Variants in LUZP2 observed in about 807,000 individuals in gnomAD.
The protein encoded by LUZP2 is leucine zipper protein 2.
A neutral mutation model predicts 51.6 loss-of-function variants in LUZP2; 52 were observed. That is an observed-to-expected ratio of 1.01 (90% CI 0.81 to 1.27). LUZP2 has a LOEUF of 1.27. LUZP2 is among the 50% of genes most tolerant of loss of function. The pLI, the probability that LUZP2 is intolerant of heterozygous loss-of-function variation, is 0.00. For synonymous variants in LUZP2, 154 were observed against 137.3 expected, an observed-to-expected ratio of 1.12 and a Z score of -0.85; for missense variants, 436 against 395.4, an observed-to-expected ratio of 1.10 and a Z score of -0.87.
intron 7 of LUZP2, among the ~76,000 whole-genome samples, chr11:24,975,747 A>G (rs1208126227): frequency 6.6e-6 from 1 of 152,178 alleles, no homozygotes; most frequent in African/African-American, 2.4e-5. Flanking sequence ...ATTTGAATAT[A>G]TGAATTCCAA....
At chr11:25,050,978 C>A (rs12293034) in intron 10 of LUZP2, among the ~76,000 whole-genome samples, 1 of 152,128 alleles carries the variant, frequency 6.6e-6, no homozygotes, top group Non-Finnish European at 1.5e-5. Flanking sequence ...GCTAATGGAT[C>A]TATTACATTT....
At chr11:24,501,110 C>T (rs1849979776) in intron 1 of LUZP2, among the ~76,000 whole-genome samples, 1 of 152,176 alleles carries the variant, frequency 6.6e-6, no homozygotes, top group African/African-American at 2.4e-5. Context: ...GTCTGCCACA[C>T]ATGACATTTT....
chr11:24,535,433 T>A (rs1851147419), intron 1 of LUZP2, among the ~76,000 whole-genome samples: 1 of 151,584 alleles, frequency 6.6e-6, no homozygotes, highest in African/African-American at 2.4e-5. Context: ...CCCTGCCACT[T>A]CTTTATCAAC....
intron 5 of LUZP2, among the ~76,000 whole-genome samples, chr11:24,871,905 T>C (rs1249193454): frequency 6.6e-6 from 1 of 152,122 alleles, no homozygotes; most frequent in Non-Finnish European, 1.5e-5. Flanking sequence ...TAGTATACAG[T>C]GATGTCTGCA....
intron 6 of LUZP2, among the ~76,000 whole-genome samples, chr11:24,914,161 G>A (rs558728755): frequency 2.2e-4 from 33 of 152,124 alleles, no homozygotes; most frequent in Admixed American, 1.2e-3. Flanking sequence ...TATAATTAGC[G>A]TCTAAAATTA....
At chr11:24,571,107 G>A (rs1346464693) in intron 1 of LUZP2, among the ~76,000 whole-genome samples, 2 of 152,090 alleles carry the variant, frequency 1.3e-5, no homozygotes, top group African/African-American at 4.8e-5. Context: ...CTGAAGATCA[G>A]ATGGGTTGCC....
At chr11:24,704,186 T>C (rs1413772729) in intron 1 of LUZP2, among the ~76,000 whole-genome samples, 1 of 152,194 alleles carries the variant, frequency 6.6e-6, no homozygotes, top group Non-Finnish European at 1.5e-5. Flanking sequence ...TGCTTTAGCG[T>C]CTTTGGAGGG....
chr11:24,986,534 C>CCA (rs1489869101), intron 9 of LUZP2, among the ~76,000 whole-genome samples: 2 of 67,100 alleles, frequency 3.0e-5, no homozygotes, highest in Non-Finnish European at 7.0e-5. Context: ...GAATAGCATG[C>CCA]CTCTGTGTGT....
intron 7 of LUZP2, among the ~76,000 whole-genome samples, chr11:24,941,428 G>C (rs1854743317): frequency 6.6e-6 from 1 of 152,148 alleles, no homozygotes. Context: ...TAGTCTGCAA[G>C]TTAGAGTTTA....
At chr11:24,587,610 T>C (rs1369923220) in intron 1 of LUZP2, among the ~76,000 whole-genome samples, 1 of 152,120 alleles carries the variant, frequency 6.6e-6, no homozygotes, top group Admixed American at 6.6e-5. Flanking sequence ...TGAAGGTTAC[T>C]GGAAATTTTT....
chr11:25,073,486 G>GT (rs1859214541), intron 10 of LUZP2, among the ~76,000 whole-genome samples: 1 of 152,148 alleles, frequency 6.6e-6, no homozygotes, highest in Non-Finnish European at 1.5e-5. Flanking sequence ...GACATTCCCT[G>GT]GGTCTGGGCT....
intron 1 of LUZP2, among the ~76,000 whole-genome samples, chr11:24,561,759 C>CATGT (rs1303600006): frequency 6.6e-6 from 1 of 151,706 alleles, no homozygotes; most frequent in East Asian, 1.9e-4. Flanking sequence ...CACCATGGCA[C>CATGT]ATGTATACCT....
intron 5 of LUZP2, among the ~76,000 whole-genome samples, chr11:24,901,871 C>A (rs1323013935): frequency 2.6e-5 from 4 of 152,104 alleles, no homozygotes; most frequent in Non-Finnish European, 5.9e-5. Context: ...CATCTCTCTC[C>A]CTTATTTCAA....
intron 1 of LUZP2, among the ~76,000 whole-genome samples, chr11:24,614,659 A>G (rs1485856777): frequency 6.6e-6 from 1 of 151,838 alleles, no homozygotes; most frequent in Non-Finnish European, 1.5e-5. Flanking sequence ...TTTGTACTGC[A>G]TTTTCCCTCT....
At chr11:24,878,042 T>G (rs1252721130) in intron 5 of LUZP2, among the ~76,000 whole-genome samples, 6 of 152,024 alleles carry the variant, frequency 3.9e-5, no homozygotes, top group Admixed American at 3.9e-4. Flanking sequence ...TATCTTTTAG[T>G]CTTCCTACTT....
At chr11:25,067,234 T>C (rs1025235756) in intron 10 of LUZP2, among the ~76,000 whole-genome samples, 1 of 152,060 alleles carries the variant, frequency 6.6e-6, no homozygotes, top group African/African-American at 2.4e-5. Flanking sequence ...TGAAGTTGTT[T>C]TTTTCTGTAA....
At chr11:24,564,424 A>C (rs914104399) in intron 1 of LUZP2, among the ~76,000 whole-genome samples, 2 of 152,180 alleles carry the variant, frequency 1.3e-5, no homozygotes, top group African/African-American at 4.8e-5. Flanking sequence ...TACTATCACA[A>C]AAATAACATT....
chr11:24,751,018 A>G (rs1859561568), intron 4 of LUZP2, among the ~76,000 whole-genome samples: 1 of 152,178 alleles, frequency 6.6e-6, no homozygotes, highest in African/African-American at 2.4e-5. Context: ...CATTCATTCC[A>G]AGAATACTTA....
chr11:24,796,532 T>TGC (rs1554908568), intron 5 of LUZP2, among the ~76,000 whole-genome samples: 6 of 136,982 alleles, frequency 4.4e-5, no homozygotes, highest in Admixed American at 3.0e-4. Flanking sequence ...TGTGTGTGTG[T>TGC]GCCACAGCAA....
Sources: gnomAD v4.1 joint callset for allele counts (sites outside exome capture counted in the v4.1 genomes callset) on GRCh38, gnomAD v4.1.1 for gene constraint, MANE v1.5 for transcripts, NCBI Gene and HGNC (gene_info 2026-07-23, HGNC 2026-07-21) for gene names.